Variants in AKAP19 observed in about 807,000 individuals in gnomAD.
The protein encoded by AKAP19 is small A-kinase anchoring protein.
At chr2:189,954,120 T>A in the AKAP19 span, among the ~76,000 whole-genome samples, 2 of 152,202 alleles carry the variant, frequency 1.3e-5, no homozygotes, top group Admixed American at 6.5e-5. Flanking sequence ...AGAGATACAA[T>A]CCAGATCAGG....
chr2:189,983,334 G>C, the AKAP19 span, among the ~76,000 whole-genome samples: 1 of 152,096 alleles, frequency 6.6e-6, no homozygotes, highest in Non-Finnish European at 1.5e-5. Context: ...GCAACTCTTT[G>C]ACTTGTCTTG....
the AKAP19 span, among the ~76,000 whole-genome samples, chr2:189,891,300 T>G: frequency 1.3e-3 from 188 of 142,262 alleles, 1 homozygote; most frequent in African/African-American, 4.6e-3. Flanking sequence ...CTCGGCTCAC[T>G]GCAACCTCTG....
the AKAP19 span, among the ~76,000 whole-genome samples, chr2:189,994,842 A>C: frequency 6.6e-6 from 1 of 152,108 alleles, no homozygotes; most frequent in Non-Finnish European, 1.5e-5. Flanking sequence ...CAGGTTATCC[A>C]ACTGCCTTGG....
the AKAP19 span, among the ~76,000 whole-genome samples, chr2:190,193,820 C>T: frequency 9.2e-5 from 14 of 152,060 alleles, no homozygotes; most frequent in Admixed American, 2.6e-4. Context: ...TTACCTACTT[C>T]TGTCTACTTA....
chr2:189,960,847 A>G, the AKAP19 span, among the ~76,000 whole-genome samples: 2 of 152,214 alleles, frequency 1.3e-5, no homozygotes, highest in Non-Finnish European at 2.9e-5. Flanking sequence ...TTATAAAAGT[A>G]TACTGGGCCT....
At chr2:190,116,738 G>A in the AKAP19 span, among the ~76,000 whole-genome samples, 1 of 152,134 alleles carries the variant, frequency 6.6e-6, no homozygotes, top group African/African-American at 2.4e-5. Flanking sequence ...TGTGAGGCAG[G>A]AGCTGGCAGC....
the AKAP19 span, among the ~76,000 whole-genome samples, chr2:190,097,859 C>CAAAAAAAAAAA: frequency 1.2e-3 from 76 of 63,988 alleles, no homozygotes; most frequent in Admixed American, 1.7e-3. Flanking sequence ...TGGTTTCTAC[C>CAAAAAAAAAAA]AAAAAAAAAA....
the AKAP19 span, among the ~76,000 whole-genome samples, chr2:190,106,858 A>C: frequency 2.2e-3 from 334 of 152,318 alleles, no homozygotes; most frequent in Non-Finnish European, 3.8e-3. Flanking sequence ...CAGCAACTCA[A>C]GAAGTGTGTT....
the AKAP19 span, among the ~76,000 whole-genome samples, chr2:189,971,874 G>T: frequency 1.3e-5 from 2 of 150,556 alleles, no homozygotes; most frequent in African/African-American, 4.9e-5. Context: ...TGTAGATTCT[G>T]GATATTAGCC....
chr2:190,043,060 A>G, the AKAP19 span, among the ~76,000 whole-genome samples: 3 of 152,184 alleles, frequency 2.0e-5, no homozygotes, highest in African/African-American at 7.2e-5. Context: ...CTGAGAGGTC[A>G]GCTGTTAGCT....
At chr2:190,180,767 GGCC>G in the AKAP19 span, 1 of 985,142 alleles carries the variant, frequency 1.0e-6, no homozygotes, top group African/African-American at 1.7e-5. This position sits in a 1 kb window ranked among gnomAD's most constrained non-coding sequence, Gnocchi z 6.8. Flanking sequence ...GCCAGGTGCG[GGCC>G]GCGAACCCGC....
chr2:190,177,074 A>T, the AKAP19 span, among the ~76,000 whole-genome samples: 1 of 152,192 alleles, frequency 6.6e-6, no homozygotes, highest in African/African-American at 2.4e-5. This position sits in a 1 kb window ranked among gnomAD's most constrained non-coding sequence, Gnocchi z 4.6. Context: ...GAGTTTCCTC[A>T]ATGGTCATAC....
the AKAP19 span, among the ~76,000 whole-genome samples, chr2:190,082,256 T>C: frequency 6.6e-6 from 1 of 152,220 alleles, no homozygotes; most frequent in Non-Finnish European, 1.5e-5. Flanking sequence ...ACTTTTCCTA[T>C]AGCTTATTGA....
At chr2:190,067,450 T>C in the AKAP19 span, among the ~76,000 whole-genome samples, 1 of 152,174 alleles carries the variant, frequency 6.6e-6, no homozygotes. Context: ...CCAATACCTG[T>C]AGCGTTGCTT....
chr2:190,128,458 G>T, the AKAP19 span, among the ~76,000 whole-genome samples: 1 of 152,192 alleles, frequency 6.6e-6, no homozygotes, highest in Admixed American at 6.5e-5. Context: ...TTGACACAGG[G>T]CAAGTGCTAC....
chr2:190,163,701 G>C, the AKAP19 span, among the ~76,000 whole-genome samples: 100 of 152,198 alleles, frequency 6.6e-4, no homozygotes, highest in Non-Finnish European at 1.1e-3. Flanking sequence ...TATTGTTATG[G>C]ATACATACAT....
chr2:190,115,685 C>T, the AKAP19 span, among the ~76,000 whole-genome samples: 1 of 152,044 alleles, frequency 6.6e-6, no homozygotes, highest in Admixed American at 6.6e-5. Context: ...CTACTTCTCC[C>T]TTGGGATATT....
the AKAP19 span, among the ~76,000 whole-genome samples, chr2:190,113,045 C>T: frequency 1.3e-5 from 2 of 151,828 alleles, no homozygotes; most frequent in Non-Finnish European, 1.5e-5. Context: ...TTTTCTAAAA[C>T]TCGTTTCTGT....
chr2:189,899,618 A>C, the AKAP19 span, among the ~76,000 whole-genome samples: 1 of 152,128 alleles, frequency 6.6e-6, no homozygotes. Context: ...TGGCCCAAAC[A>C]GTGTATGAAT....
Sources: gnomAD v4.1 joint callset for allele counts (sites outside exome capture counted in the v4.1 genomes callset) on GRCh38, gnomAD v4.1.1 for gene constraint, Gnocchi (gnomAD v3.1) non-coding constraint, MANE v1.5 for transcripts, NCBI Gene and HGNC (gene_info 2026-07-23, HGNC 2026-07-21) for gene names.